Variants in USP49 observed in about 807,000 individuals in gnomAD.
USP49 encodes the protein ubiquitin carboxyl-terminal hydrolase 49.
In USP49, 24 loss-of-function variants were observed where a neutral mutation model predicts 58.6. The observed-to-expected ratio is 0.41, with a 90% CI of 0.30 to 0.58. The LOEUF (loss-of-function observed/expected upper bound fraction) is 0.58. Ranked by LOEUF, USP49 falls within the 20% of genes least tolerant of loss-of-function variation. The pLI is 0.30. For missense variants in USP49, 703 were observed against 866.1 expected (o/e 0.81, Z 2.36); for synonymous variants, 408 against 365.1 (o/e 1.12, Z -1.34).
At chr6:41,847,026 G>A (rs1342696886) in intron 3 of USP49, among the ~76,000 whole-genome samples, 3 of 152,190 alleles carry the variant, frequency 2.0e-5, no homozygotes, top group Non-Finnish European at 2.9e-5. Context: ...ACAACAACCA[G>A]GATAATTGGT....
In USP49 at chr6:41,891,801, G is replaced by A. The variant is rs892441820; in HGVS notation, c.-110C>T. On this transcript the variant is annotated 5_prime_UTR_variant, in exon 2 of 8. Coordinates refer to ENST00000682992, the MANE Select transcript of USP49 (RefSeq NM_001286554.2). ...GGATAAATTTTTATCTACCTGGAAT[G>A]ATTTAAGTGGGATATTGACTGGAGT... 6.6e-6 allele frequency: 1 copy of A among 152,198 alleles called. No individual in the cohort carries two copies. The highest frequency in any genetic ancestry group is 1.9e-4 in the East Asian group (1 of 5,200). 9.4% of individuals were successfully genotyped at this position (152,198 alleles called of 1,614,324 possible). A position where few individuals can be genotyped will look rare whatever the true frequency, so the allele number is the denominator to read the frequency against.
chr6:41,853,366 G>A (rs1278946460), intron 3 of USP49, among the ~76,000 whole-genome samples: 3 of 152,184 alleles, frequency 2.0e-5, no homozygotes, highest in Admixed American at 6.5e-5. Flanking sequence ...GGTTGCCAGG[G>A]ACTGGGGAAG....
At chr6:41,876,196 G>T (rs1774501795) in intron 2 of USP49, among the ~76,000 whole-genome samples, 1 of 152,190 alleles carries the variant, frequency 6.6e-6, no homozygotes, top group Non-Finnish European at 1.5e-5. Context: ...CAAGATAGCT[G>T]TGAAAGCAGG....
intron 3 of USP49, among the ~76,000 whole-genome samples, chr6:41,849,880 C>A (rs1308989875): frequency 6.6e-6 from 1 of 152,148 alleles, no homozygotes; most frequent in Non-Finnish European, 1.5e-5. Context: ...GCTGGGATTA[C>A]AGGCATGAGC....
chr6:41,865,985 G>A (rs1774312149), intron 3 of USP49, among the ~76,000 whole-genome samples: 1 of 135,198 alleles, frequency 7.4e-6, no homozygotes, highest in Non-Finnish European at 1.5e-5. Context: ...GCAGTGGCGC[G>A]ATCTCGGCTC....
In USP49 at chr6:41,849,005, T is replaced by C. The variant is rs1415223799; in HGVS notation, c.-29+22559A>G. 2.6e-5 allele frequency among the ~76,000 whole-genome samples: 4 copies of C among 152,216 alleles called. No individual in the cohort carries two copies. In the East Asian group the frequency reaches 7.7e-4, roughly 29 times the overall value. On this transcript the variant is annotated intron_variant, in intron 3 of 7. Transcript: ENST00000682992. ...GGAGCCACCATGCTGGGCCAGTAAT[T>C]AACTTTAAATGTAAAGTCATATATT...
intron 7 of USP49, among the ~76,000 whole-genome samples, chr6:41,797,472 T>C (rs1772907016): frequency 6.6e-6 from 1 of 152,184 alleles, no homozygotes; most frequent in East Asian, 1.9e-4. Flanking sequence ...CCCCAAGGGC[T>C]GTGCAGTTCA....
chr6:41,811,335 A>G (rs997233890), intron 3 of USP49, among the ~76,000 whole-genome samples: 1 of 152,206 alleles, frequency 6.6e-6, no homozygotes, highest in African/African-American at 2.4e-5. Context: ...GCAGTACAGT[A>G]AGATACTCCA....
chr6:41,814,532 TTCAATTATTC>T (rs1217665072), intron 3 of USP49, among the ~76,000 whole-genome samples: 2 of 152,190 alleles, frequency 1.3e-5, no homozygotes, highest in Non-Finnish European at 2.9e-5. Flanking sequence ...ATTGGAGTAT[TTCAATTATTC>T]TCAAATAGCA....
At position 41,891,800 on chromosome 6, in the gene USP49, T is replaced by G. The variant is rs1231199316; in HGVS notation, c.-109A>C. 1 of 152,206 alleles carries G rather than the reference T, an allele frequency of 6.6e-6. No homozygotes were observed. Among genetic ancestry groups the G allele is most frequent in the Admixed American group, 6.5e-5 (1 of 15,280 alleles). 9.4% of individuals were successfully genotyped at this position (152,206 alleles called of 1,614,324 possible). The stretch of plus-strand genomic sequence containing the variant: ...AGGATAAATTTTTATCTACCTGGAA[T>G]GATTTAAGTGGGATATTGACTGGAG... On this transcript the variant is annotated 5_prime_UTR_variant, in exon 2 of 8. Coordinates refer to ENST00000682992, the MANE Select transcript of USP49 (RefSeq NM_001286554.2).
At position 41,798,865 on chromosome 6, in the gene USP49, T is replaced by G. The variant is rs1419180350; in HGVS notation, c.1735A>C (p.Met579Leu). The G allele has an allele frequency of 3.7e-6, 6 of 1,613,932 alleles. No homozygotes were observed. The African/African-American group carries it at 8.0e-5, about 22-fold the overall frequency. Residue 579 changes from methionine to leucine, a missense_variant, in exon 7 of 8, where the codon ATG becomes CTG. By Grantham distance (15) the Met-to-Leu change is conservative. Transcript: ENST00000682992. Reference protein sequence around the residue: ...VHVVFDQVLTMEPYCCRDMLS... With the variant: ...VHVVFDQVLTLEPYCCRDMLS... ...ATGTCCCTGCAGCAGTAAGGTTCCA[T>G]GGTTAATACCTGGTCAAAGACGACA...
At chr6:41,892,313 CCATA>C (rs935564907) in intron 1 of USP49, among the ~76,000 whole-genome samples, 7 of 152,130 alleles carry the variant, frequency 4.6e-5, no homozygotes, top group African/African-American at 1.7e-4. Flanking sequence ...CATGGCAATA[CCATA>C]CAGAGTACGT....
intron 3 of USP49, among the ~76,000 whole-genome samples, chr6:41,843,754 A>T (rs532218055): frequency 1.9e-4 from 29 of 152,222 alleles, no homozygotes; most frequent in African/African-American, 6.5e-4. Context: ...ATAAAAATAC[A>T]AAAAATCGGC....
chr6:41,887,852 A>C (rs187304653), intron 2 of USP49, among the ~76,000 whole-genome samples: 2 of 152,236 alleles, frequency 1.3e-5, no homozygotes, highest in Admixed American at 1.3e-4. Context: ...ATAATAAAAA[A>C]CCCTGAAAAT....
intron 2 of USP49, among the ~76,000 whole-genome samples, chr6:41,888,048 C>CTTTTTTTT (rs35468035): frequency 3.0e-4 from 26 of 85,510 alleles, no homozygotes; most frequent in East Asian, 7.7e-4. Context: ...TCACAATCAG[C>CTTTTTTTT]TTTTTTTTTT....
chr6:41,805,613 T>C lies in USP49; in HGVS notation c.1356+15A>G. ...ACATACAAGCCTCTCATTGTCATGGTAGGCACACACATACCTGACTGAGCA... is the reference window on the plus strand; with the variant it reads ...ACATACAAGCCTCTCATTGTCATGGCAGGCACACACATACCTGACTGAGCA... On this transcript the variant is annotated intron_variant, in intron 4 of 7. Transcript: ENST00000682992. The C allele has an allele frequency of 6.3e-7, 1 of 1,598,690 alleles. No homozygotes were observed. Among genetic ancestry groups the C allele is most frequent in the Non-Finnish European group, 8.6e-7 (1 of 1,169,272 alleles).
intron 1 of USP49, among the ~76,000 whole-genome samples, chr6:41,893,732 A>T (rs549981046): frequency 9.2e-5 from 14 of 152,228 alleles, no homozygotes; most frequent in Non-Finnish European, 1.9e-4. Flanking sequence ...GGAAAGTCAA[A>T]TCAAAAGCAA....
At chr6:41,863,073 G>A (rs533176693) in intron 3 of USP49, among the ~76,000 whole-genome samples, 1 of 152,120 alleles carries the variant, frequency 6.6e-6, no homozygotes, top group Non-Finnish European at 1.5e-5. Flanking sequence ...CACCGCACCT[G>A]GCCTCTCACA....
At position 41,806,425 on chromosome 6, in the gene USP49, T is replaced by A. The variant is rs1383179126; in HGVS notation, c.559A>T (p.Arg187Trp). ...CGCCGTTTCACCTCGCGCCGCCGCC[T>A]CCGCGCCTCCTCCTTCTTGCGCTCC... ...ALERKKEEAR[R>W]RRREVKRRLL... The change falls in exon 4 of 8, where the codon AGG becomes TGG. Residue 187 changes from arginine (R) to tryptophan (W), a missense_variant. Arg to Trp is a moderately radical substitution (Grantham distance 101). Transcript: ENST00000682992. The surrounding 1 kb of genome is among the most constrained non-coding windows in gnomAD (Gnocchi z 5.9). 1.3e-5 allele frequency: 21 copies of A among 1,580,014 alleles called. No individual in the cohort carries two copies. Among genetic ancestry groups the A allele is most frequent in the South Asian group, 1.2e-4 (11 of 88,348 alleles).
Sources: gnomAD v4.1 joint callset for allele counts (sites outside exome capture counted in the v4.1 genomes callset) on GRCh38, gnomAD v4.1.1 for gene constraint, Gnocchi (gnomAD v3.1) non-coding constraint, MANE v1.5 for transcripts, NCBI Gene and HGNC (gene_info 2026-07-23, HGNC 2026-07-21) for gene names.